Variants in CNTN2 observed in about 807,000 individuals in gnomAD.
The protein encoded by CNTN2 is contactin-2.
A neutral mutation model predicts 117.5 loss-of-function variants in CNTN2; 53 were observed. The ratio of observed to expected loss-of-function variants is 0.45; its 90% CI spans 0.36 to 0.57. The LOEUF (loss-of-function observed/expected upper bound fraction) is 0.57. CNTN2 is among the 20% of genes least tolerant of loss of function. The pLI, the probability that CNTN2 is intolerant of heterozygous loss-of-function variation, is 0.00. For missense variants in CNTN2, 1,106 were observed against 1,404.3 expected (o/e 0.79, Z 3.39); for synonymous variants, 530 against 561.7 (o/e 0.94, Z 0.80).
In CNTN2 at chr1:205,057,915, C is replaced by T. The variant is rs749400715; in HGVS notation, c.71-6C>T. The stretch of plus-strand genomic sequence containing the variant: ...CTGAGGCATCTGGTGGTGTCATCAC[C>T]TGCAGCTTGGAGTTCAGCCCTGGGA... On this transcript the variant is annotated splice_region_variant and splice_polypyrimidine_tract_variant and intron_variant, in intron 2 of 22. Transcript: ENST00000331830. 6.4e-5 allele frequency: 103 copies of T among 1,612,946 alleles called. No homozygotes were observed. The highest frequency in any genetic ancestry group is 8.3e-5 in the Non-Finnish European group (98 of 1,179,304).
chr1:205,057,992 T>A lies in CNTN2; in HGVS notation c.142T>A (p.Phe48Ile), dbSNP rs1653740678. The A allele has an allele frequency of 6.2e-7, 1 of 1,614,180 alleles. No homozygotes were observed. Among genetic ancestry groups the A allele is most frequent in the Non-Finnish European group, 8.5e-7 (1 of 1,180,032 alleles). ...VFEDQPLSVL[F>I]PEESTEEQVL... The stretch of plus-strand genomic sequence containing the variant: ...TGAAGACCAGCCCCTCAGTGTGCTA[T>A]TCCCAGAGGAGTCCACGGAGGAGCA... Residue 48 changes from phenylalanine to isoleucine, a missense_variant, in exon 3 of 23, where the codon TTC (phenylalanine) becomes ATC (isoleucine). By Grantham distance (21) the Phe-to-Ile change is conservative. Coordinates refer to ENST00000331830, the MANE Select transcript of CNTN2 (RefSeq NM_005076.5).
chr1:205,049,860 G>C (rs1293503178), intron 1 of CNTN2, among the ~76,000 whole-genome samples: 3 of 152,196 alleles, frequency 2.0e-5, no homozygotes, highest in African/African-American at 7.2e-5. Context: ...GCAGATACAA[G>C]TGGAGCTGCT....
chr1:205,059,460 C>A lies in CNTN2; in HGVS notation c.698-123C>A. 2 of 1,202,634 alleles carry A rather than the reference C, an allele frequency of 1.7e-6. No individual in the cohort carries two copies. The highest frequency in any genetic ancestry group is 2.4e-6 in the Non-Finnish European group (2 of 823,796). The allele number at this position is 1,202,634 out of a possible 1,614,324, so 74.5% of individuals were successfully genotyped here. On this transcript the variant is annotated intron_variant, in intron 6 of 22. Transcript: ENST00000331830. The surrounding 1 kb of genome is among the most constrained non-coding windows in gnomAD (Gnocchi z 5.6). ...CAAATCCTGAGGCCCTTGCCCCAGG[C>A]CTCAAGGAGATTCCACACAGCTGCC...
intron 10 of CNTN2, chr1:205,063,404 G>A (rs1380898726): frequency 6.6e-6 from 1 of 152,132 alleles, no homozygotes; most frequent in Admixed American, 6.5e-5. Context: ...GGGGTGAGTG[G>A]ATCTCCTCAA....
Position 205,072,548 on chromosome 1 carries a change from G to C in CNTN2, c.2797G>C (p.Asp933His). ...FSSSSLSIKWDPVVPFRNESA... is the reference protein window; with the variant it reads ...FSSSSLSIKWHPVVPFRNESA... ...AAGCTCTAGTCTTAGCATTAAGTGG[G>C]ACCCTGTGGTCCCTTTCCGAAATGA... Residue 933 changes from aspartate to histidine, a missense_variant, in exon 21 of 23, where the codon GAC (aspartate) becomes CAC (histidine). Transcript: ENST00000331830. The C allele has an allele frequency of 6.2e-7, 1 of 1,614,186 alleles. No individual in the cohort carries two copies. The highest frequency in any genetic ancestry group is 8.5e-7 in the Non-Finnish European group (1 of 1,180,042).
intron 10 of CNTN2, among the ~76,000 whole-genome samples, chr1:205,064,073 G>A (rs1026248904): frequency 6.7e-6 from 1 of 149,812 alleles, no homozygotes; most frequent in Non-Finnish European, 1.5e-5. Flanking sequence ...TAGAAGGAAG[G>A]TGCAGAAACA....
At chr1:205,046,768 A>G (rs1456550405) in intron 1 of CNTN2, among the ~76,000 whole-genome samples, 2 of 152,176 alleles carry the variant, frequency 1.3e-5, no homozygotes, top group Non-Finnish European at 2.9e-5. Flanking sequence ...GGCATCTCAA[A>G]AAGGGATCCT....
chr1:205,061,828 T>G lies in CNTN2; in HGVS notation c.974-37T>G, dbSNP rs1307771985. 1 of 1,503,386 alleles carries G rather than the reference T, an allele frequency of 6.7e-7. No homozygotes were observed. Among genetic ancestry groups the G allele is most frequent in the African/African-American group, 1.4e-5 (1 of 70,794 alleles). 93.1% of individuals were successfully genotyped at this position (1,503,386 alleles called of 1,614,324 possible). On this transcript the variant is annotated intron_variant, in intron 8 of 22. Transcript: ENST00000331830. This position sits in a 1 kb window ranked among gnomAD's most constrained non-coding sequence, Gnocchi z 4.8. ...CTTTTAATGAGCTGGAAGCTCCTCC[T>G]AGCTCATGCCAGGTTTTCTTTTCCG... is the stretch of plus-strand genomic sequence containing the variant.
chr1:205,044,083 T>C (rs1037374521), intron 1 of CNTN2, among the ~76,000 whole-genome samples: 2 of 151,868 alleles, frequency 1.3e-5, no homozygotes, highest in African/African-American at 2.4e-5. Context: ...TAGCTTCTCC[T>C]CAAATCCCTC....
In CNTN2 at chr1:205,073,175, T is replaced by A. The variant is rs1212307216; in HGVS notation, c.2952T>A (p.Ile984=). The A allele has an allele frequency of 6.2e-7, 1 of 1,613,994 alleles. No homozygotes were observed. Among genetic ancestry groups the A allele is most frequent in the Non-Finnish European group, 8.5e-7 (1 of 1,179,968 alleles). The change falls in exon 22 of 23, where the codon ATT becomes ATA. Residue 984 remains isoleucine, a synonymous_variant. Coordinates refer to ENST00000331830, the MANE Select transcript of CNTN2 (RefSeq NM_005076.5). The surrounding 1 kb of genome is among the most constrained non-coding windows in gnomAD (Gnocchi z 6.3). ...PEDIGHALVQ[I]RTTGPGGDGI... ...ACATTGGCCATGCCCTGGTACAAAT[T>A]CGGACCACAGGGCCCGGAGGGGATG...
intron 14 of CNTN2, 145 bp downstream of exon 14, chr1:205,066,054 C>A: frequency 1.0e-6 from 1 of 990,054 alleles, no homozygotes; most frequent in Non-Finnish European, 1.5e-6. Flanking sequence ...TGGATATACC[C>A]TGTGGTTCTT....
At chr1:205,046,188 A>G (rs931240164) in intron 1 of CNTN2, among the ~76,000 whole-genome samples, 1 of 152,228 alleles carries the variant, frequency 6.6e-6, no homozygotes, top group African/African-American at 2.4e-5. Context: ...CTACAAGATT[A>G]GCCCATGTTT....
rs966451886 is a variant in CNTN2, at chr1:205,077,103, A to C, written c.*3338A>C. ...TGACTGGAGGGGCAGGAGATGGTCCAAGTGTCCATCCAGAGATGAGACTCT... is the reference window on the plus strand; with the variant it reads ...TGACTGGAGGGGCAGGAGATGGTCCCAGTGTCCATCCAGAGATGAGACTCT... On this transcript the variant is annotated 3_prime_UTR_variant, in exon 23 of 23. Transcript: ENST00000331830. 6.6e-6 allele frequency: 1 copy of C among 152,214 alleles called. No homozygotes were observed. Among genetic ancestry groups the C allele is most frequent in the African/African-American group, 2.4e-5 (1 of 41,452 alleles). The allele number at this position is 152,214 out of a possible 1,614,324, so 9.4% of individuals were successfully genotyped here.
At chr1:205,069,634 C>A in intron 17 of CNTN2, 73 bp downstream of exon 17, 2 of 1,519,152 alleles carry the variant, frequency 1.3e-6, no homozygotes, top group Non-Finnish European at 9.0e-7. Context: ...GCAGAAAGGA[C>A]CACTGCACAG....
At chr1:205,071,337 G>A (rs1654585014) in intron 19 of CNTN2, among the ~76,000 whole-genome samples, 1 of 152,156 alleles carries the variant, frequency 6.6e-6, no homozygotes, top group African/African-American at 2.4e-5. Flanking sequence ...GAAGCAAGAG[G>A]GAGAGAAAGA....
chr1:205,046,193 A>G (rs533453703), intron 1 of CNTN2, among the ~76,000 whole-genome samples: 26 of 152,340 alleles, frequency 1.7e-4, no homozygotes, highest in African/African-American at 6.3e-4. Context: ...AGATTAGCCC[A>G]TGTTTCTTTG....
intron 7 of CNTN2, chr1:205,060,889 A>G (rs1653939166): frequency 4.3e-6 from 1 of 233,706 alleles, no homozygotes; most frequent in Non-Finnish European, 8.3e-6. Context: ...GAACCCGTAA[A>G]GACCCAGGTC....
Position 205,073,687 on chromosome 1 carries a change from C to T in CNTN2, c.3045C>T (p.Val1015=), listed in dbSNP as rs1654716368. The change falls in exon 23 of 23, where the codon GTC becomes GTT. Residue 1015 remains valine, a synonymous_variant. Transcript: ENST00000331830. The surrounding 1 kb of genome is among the most constrained non-coding windows in gnomAD (Gnocchi z 6.3). ...GTSMMVENMA[V]RPAPHPGTVI... is the part of the protein sequence containing the mutation. ...GCATGATGGTGGAGAACATGGCAGT[C>T]CGCCCAGCACCACACCCTGGCACCG... 1 of 1,613,910 alleles carries T rather than the reference C, an allele frequency of 6.2e-7. No homozygotes were observed. Among genetic ancestry groups the T allele is most frequent in the African/African-American group, 1.3e-5 (1 of 74,922 alleles).
At position 205,059,906 on chromosome 1, in the gene CNTN2, T is replaced by C; in HGVS notation, c.797+224T>C. The C allele has an allele frequency of 1.8e-6, 1 of 558,664 alleles. No individual in the cohort carries two copies. Among genetic ancestry groups the C allele is most frequent in the Admixed American group, 3.1e-5 (1 of 32,098 alleles). The allele number at this position is 558,664 out of a possible 1,614,324, so 34.6% of individuals were successfully genotyped here. ...TTCCATGGCCAGGATCACTTGGTCT[T>C]CCAGCAGTGCATGGCAGGCTCAGAC... On this transcript the variant is annotated intron_variant, in intron 7 of 22. Transcript: ENST00000331830. The surrounding 1 kb of genome is among the most constrained non-coding windows in gnomAD (Gnocchi z 5.6).
Sources: gnomAD v4.1 joint callset for allele counts (sites outside exome capture counted in the v4.1 genomes callset) on GRCh38, gnomAD v4.1.1 for gene constraint, Gnocchi (gnomAD v3.1) non-coding constraint, MANE v1.5 for transcripts, NCBI Gene and HGNC (gene_info 2026-07-23, HGNC 2026-07-21) for gene names.